ZNF658: variants seen among roughly 807,000 people sequenced by gnomAD.
ZNF658 encodes zinc finger protein 658.
In ZNF658, 46 loss-of-function variants were observed where a neutral mutation model predicts 78.0. The observed-to-expected ratio is 0.59, with a 90% CI of 0.47 to 0.75. The LOEUF (loss-of-function observed/expected upper bound fraction) is 0.75. Among genes scored for constraint, ZNF658 ranks in the 30% least tolerant of loss-of-function variants. The pLI is 0.00. For synonymous variants in ZNF658, 279 were observed against 408.4 expected, an observed-to-expected ratio of 0.68 and a Z score of 3.82; for missense variants, 785 against 1,189.3, an observed-to-expected ratio of 0.66 and a Z score of 5.00.
chr9:66,920,920 A>G lies in ZNF658; in HGVS notation c.*174A>G. 1.3e-6 allele frequency: 1 copy of G among 746,808 alleles called. No individual in the cohort carries two copies. The highest frequency in any genetic ancestry group is 2.3e-6 in the Non-Finnish European group (1 of 435,234). 46.3% of individuals were successfully genotyped at this position (746,808 alleles called of 1,614,324 possible). A position where few individuals can be genotyped will look rare whatever the true frequency, so the allele number is the denominator to read the frequency against. On this transcript the variant is annotated 3_prime_UTR_variant, in exon 5 of 5. Transcript: ENST00000621410. ...ATGGGATGTGGTGCTAATGATAAAT[A>G]TTACATTTACCCTTGGCCCTTAAAA...
downstream of ZNF658, among the ~76,000 whole-genome samples, chr9:66,921,959 C>T (rs574694722): frequency 2.7e-3 from 338 of 125,988 alleles, 4 homozygotes; most frequent in African/African-American, 9.1e-3. Flanking sequence ...GTGCAGTCTA[C>T]AGAGGCAGGC....
chr9:66,914,538 G>C (rs1317531303), intron 4 of ZNF658, among the ~76,000 whole-genome samples: 1 of 151,938 alleles, frequency 6.6e-6, no homozygotes, highest in African/African-American at 2.4e-5. Flanking sequence ...TGATCTTAGA[G>C]GGAAGACATT....
chr9:66,920,941 T>TAAA lies in ZNF658; in HGVS notation c.*205_*207dup. 3.5e-6 allele frequency: 2 copies of TAAA among 566,204 alleles called. No individual in the cohort carries two copies. The highest frequency in any genetic ancestry group is 6.2e-6 in the Non-Finnish European group (2 of 322,454). 35.1% of individuals were successfully genotyped at this position (566,204 alleles called of 1,614,324 possible). ...AAATATTACATTTACCCTTGGCCCT[T>TAAA]AAAAAAAAAAAAGAAAAACCCTCAC... is the stretch of plus-strand genomic sequence containing the variant. On this transcript the variant is annotated 3_prime_UTR_variant, in exon 5 of 5. Coordinates refer to ENST00000621410, the MANE Select transcript of ZNF658 (RefSeq NM_033160.7).
chr9:66,906,261 C>T (rs557376008), intron 2 of ZNF658, among the ~76,000 whole-genome samples: 12 of 151,648 alleles, frequency 7.9e-5, no homozygotes, highest in African/African-American at 2.7e-4. Context: ...CACCCCAAAC[C>T]TTAGGGTCAC....
chr9:66,918,124 G>T lies in ZNF658; in HGVS notation c.558G>T (p.Glu186Asp), dbSNP rs769327258. ...DIKHEKAHAEEKSYEHGENAK... is the reference protein window; with the variant it reads ...DIKHEKAHAEDKSYEHGENAK... ...AGCATGAGAAAGCTCATGCTGAAGAGAAATCTTATGAACATGGTGAAAATG... is the reference window on the plus strand; with the variant it reads ...AGCATGAGAAAGCTCATGCTGAAGATAAATCTTATGAACATGGTGAAAATG... The change falls in exon 5 of 5, where the codon GAG (glutamate) becomes GAT (aspartate). Residue 186 changes from glutamate to aspartate, a missense_variant. Coordinates refer to ENST00000621410, the MANE Select transcript of ZNF658 (RefSeq NM_033160.7). 1.3e-6 allele frequency: 2 copies of T among 1,592,688 alleles called. No homozygotes were observed. Among genetic ancestry groups the T allele is most frequent in the South Asian group, 1.2e-5 (1 of 86,640 alleles).
chr9:66,901,643 A>C (rs1821954867), intron 1 of ZNF658, among the ~76,000 whole-genome samples: 1 of 152,092 alleles, frequency 6.6e-6, no homozygotes, highest in Non-Finnish European at 1.5e-5. Context: ...GGCAAAACAC[A>C]AATATAAATC....
rs576830327 is a variant in ZNF658, at chr9:66,920,872, C to T, written c.*126C>T. The T allele has an allele frequency of 4.5e-4, 320 of 715,036 alleles. 2 individuals carry two copies. The highest frequency in any genetic ancestry group is 6.2e-4 in the Non-Finnish European group (248 of 401,448). The allele number at this position is 715,036 out of a possible 1,614,324, so 44.3% of individuals were successfully genotyped here. ...AGTTTGTGGAAAAATCCCAATATGC[C>T]GTTTATTCAGGTGGGGCTGACCATG... On this transcript the variant is annotated 3_prime_UTR_variant, in exon 5 of 5. Transcript: ENST00000621410.
At chr9:66,914,579 G>A (rs1822289801) in intron 4 of ZNF658, among the ~76,000 whole-genome samples, 2 of 152,126 alleles carry the variant, frequency 1.3e-5, no homozygotes, top group South Asian at 4.2e-4. Context: ...GTTAGTTATA[G>A]GCTTTTTATA....
chr9:66,918,518 A>C lies in ZNF658; in HGVS notation c.952A>C (p.Thr318Pro). The C allele has an allele frequency of 1.2e-6, 2 of 1,607,336 alleles. No homozygotes were observed. The highest frequency in any genetic ancestry group is 2.2e-5 in the South Asian group (2 of 90,662). ...RKSPLTQSQR[T>P]ITGWSAFESN... ...GTCACCCCTCACTCAATCTCAGAGA[A>C]CTATTACAGGATGGAGTGCTTTTGA... The change falls in exon 5 of 5, where the codon ACT (threonine) becomes CCT (proline). Residue 318 changes from threonine to proline, a missense_variant. Thr to Pro is a conservative substitution (Grantham distance 38). Transcript: ENST00000621410.
chr9:66,932,067 TG>T (rs1192388844), exon 7 of ZNF658: 1 of 84,518 alleles, frequency 1.2e-5, no homozygotes, highest in African/African-American at 4.4e-5. Flanking sequence ...GAAGAGCAAG[TG>T]CCCCAGTCCT....
intron 4 of ZNF658, among the ~76,000 whole-genome samples, chr9:66,910,766 G>A (rs1364826672): frequency 4.1e-5 from 6 of 146,778 alleles, no homozygotes; most frequent in African/African-American, 1.3e-4. Context: ...ACTGCACTCC[G>A]GCCTGGGCAA....
At chr9:66,913,092 T>G (rs1278712291) in intron 4 of ZNF658, among the ~76,000 whole-genome samples, 15 of 149,794 alleles carry the variant, frequency 1.0e-4, no homozygotes, top group Non-Finnish European at 1.8e-4. Context: ...ATCAGAGTCC[T>G]TGTGGGGCTC....
At chr9:66,910,214 A>G (rs1822181598) in intron 4 of ZNF658, among the ~76,000 whole-genome samples, 2 of 152,200 alleles carry the variant, frequency 1.3e-5, no homozygotes, top group Admixed American at 6.6e-5. Flanking sequence ...CTGGTCACCA[A>G]TGATATCAGG....
At chr9:66,908,577 T>C in intron 3 of ZNF658, 62 bp from the exon 4 acceptor site, 1 of 1,535,428 alleles carries the variant, frequency 6.5e-7, no homozygotes, top group South Asian at 1.2e-5. Context: ...GCCATATCTT[T>C]TTTTCCCTTT....
chr9:66,904,753 G>A (rs1179015397), intron 2 of ZNF658, among the ~76,000 whole-genome samples: 3 of 152,100 alleles, frequency 2.0e-5, no homozygotes, highest in Non-Finnish European at 4.4e-5. Context: ...TAGTTTTGCT[G>A]AACCATTCCC....
intron 4 of ZNF658, among the ~76,000 whole-genome samples, chr9:66,914,082 A>C (rs1322813534): frequency 1.3e-5 from 2 of 151,422 alleles, no homozygotes; most frequent in Non-Finnish European, 2.9e-5. Flanking sequence ...GTTGGCATTT[A>C]AACTGGAGTG....
At chr9:66,906,996 T>C (rs1245591129) in intron 2 of ZNF658, among the ~76,000 whole-genome samples, 8 of 151,692 alleles carry the variant, frequency 5.3e-5, no homozygotes, top group Non-Finnish European at 1.2e-4. Flanking sequence ...TGAAGTCTTC[T>C]TGTTGTGGAA....
chr9:66,901,395 A>C (rs1587351230), intron 1 of ZNF658, among the ~76,000 whole-genome samples: 1 of 152,032 alleles, frequency 6.6e-6, no homozygotes, highest in Middle Eastern at 3.4e-3. Flanking sequence ...TGAAACCCAG[A>C]CTTGCCAGTA....
chr9:66,905,097 A>C (rs1435213224), intron 2 of ZNF658, among the ~76,000 whole-genome samples: 4 of 19,228 alleles, frequency 2.1e-4, no homozygotes, highest in Non-Finnish European at 3.6e-4. Context: ...TTTTTTTGAG[A>C]CAGTCTCTCG....
Sources: allele counts gnomAD v4.1 joint callset (sites outside exome capture counted in the v4.1 genomes callset), GRCh38; gene constraint gnomAD v4.1.1; transcripts MANE v1.5; gene names NCBI Gene and HGNC (gene_info 2026-07-23, HGNC 2026-07-21).